The following ACVRL1 variants were observed in gnomAD, a reference collection of about 807,000 sequenced individuals.
ACVRL1 encodes the protein activin receptor type-1-like.
A neutral mutation model predicts 51.9 loss-of-function variants in ACVRL1; 20 were observed. The ratio of observed to expected loss-of-function variants is 0.39; its 90% confidence interval spans 0.27 to 0.56. The LOEUF (loss-of-function observed/expected upper bound fraction) is 0.56, where lower values mean the gene tolerates loss of function less well. ACVRL1 is among the 20% of genes least tolerant of loss of function. ACVRL1 has a pLI of 0.67. For synonymous variants in ACVRL1, 288 were observed against 280.9 expected, an observed-to-expected ratio of 1.03 and a Z score of -0.25; for missense variants, 451 against 670.3, an observed-to-expected ratio of 0.67 and a Z score of 3.61.
chr12:51,919,271 G>C lies in ACVRL1; in HGVS notation c.1377+156G>C, dbSNP rs912113936. On this transcript the variant is annotated intron_variant, in intron 9 of 9. Transcript: ENST00000388922. The stretch of plus-strand genomic sequence containing the variant: ...CTAGGTACTCCCTCTTTCAACCCTG[G>C]CCCATGCTCCCTGCCCCCAGGGCCA... 6.8e-6 allele frequency: 8 copies of C among 1,176,890 alleles called. No individual in the cohort carries two copies. In the African/African-American group the frequency reaches 1.1e-4, roughly 16 times the overall value. The allele number at this position is 1,176,890 out of a possible 1,614,324, so 72.9% of individuals were successfully genotyped here.
chr12:51,912,993 T>C, intron 2 of ACVRL1, 106 bp from the exon 3 acceptor site: 1 of 1,474,908 alleles, frequency 6.8e-7, no homozygotes, highest in Non-Finnish European at 9.2e-7. Flanking sequence ...CTTCAAGGTG[T>C]TTGTCTGAGG....
intron 6 of ACVRL1, 23 bp downstream of exon 6, chr12:51,914,608 C>A (rs376139463): frequency 1.9e-5 from 30 of 1,603,926 alleles, no homozygotes; most frequent in Admixed American, 1.4e-4. Context: ...GCCAGCTGTG[C>A]CAGGCCTGGG....
At chr12:51,907,461 A>C (rs1257126522), upstream of ACVRL1, 1 of 152,272 alleles carries the variant, frequency 6.6e-6, no homozygotes, top group Non-Finnish European at 1.5e-5. The surrounding 1 kb of genome is among the most constrained non-coding windows in gnomAD (Gnocchi z 4.5). Context: ...TGGGCCAGGC[A>C]GGAAGACGCT....
chr12:51,918,279 A>G (rs1162531731), intron 8 of ACVRL1, among the ~76,000 whole-genome samples: 1 of 152,250 alleles, frequency 6.6e-6, no homozygotes, highest in Non-Finnish European at 1.5e-5. Context: ...AGTGCAGCTC[A>G]GAGGTCAAGA....
At chr12:51,908,258 C>G (rs377548292) in intron 1 of ACVRL1, among the ~76,000 whole-genome samples, 34 of 152,214 alleles carry the variant, frequency 2.2e-4, no homozygotes, top group South Asian at 1.7e-3. Flanking sequence ...CAGTCTCCCC[C>G]CAGGCTGGGA....
In ACVRL1 at chr12:51,922,598, C is replaced by T. The variant is rs1941009887; in HGVS notation, c.*1705C>T. The T allele has an allele frequency of 2.6e-5, 4 of 152,544 alleles. No individual in the cohort carries two copies. In the South Asian group the frequency reaches 8.3e-4, roughly 32 times the overall value. 9.4% of individuals were successfully genotyped at this position (152,544 alleles called of 1,614,324 possible). ...TATGCTCACGTATGGAGCAGGTTGT[C>T]CTGGTCCCTGGGTGCAGGGAAGTGG... On this transcript the variant is annotated 3_prime_UTR_variant, in exon 10 of 10. Transcript: ENST00000388922.
rs891233807 is a variant in ACVRL1, at chr12:51,917,215, G to A, written c.1246+982G>A. On this transcript the variant is annotated intron_variant, in intron 8 of 9. Coordinates refer to ENST00000388922, the MANE Select transcript of ACVRL1 (RefSeq NM_000020.3). This position sits in a 1 kb window ranked among gnomAD's most constrained non-coding sequence, Gnocchi z 4.2. Reference sequence around the variant, plus strand: ...TCCGAAACCGGGCAGTCTGCCCCGGGGCCAGTGCTCATCATCACTGTGTGC... The same window carrying A: ...TCCGAAACCGGGCAGTCTGCCCCGGAGCCAGTGCTCATCATCACTGTGTGC... 2.0e-5 allele frequency among the ~76,000 whole-genome samples: 3 copies of A among 152,180 alleles called. No individual in the cohort carries two copies. Among genetic ancestry groups the A allele is most frequent in the Admixed American group, 2.0e-4 (3 of 15,280 alleles).
At chr12:51,911,713 A>G (rs894176849) in intron 1 of ACVRL1, among the ~76,000 whole-genome samples, 1 of 152,180 alleles carries the variant, frequency 6.6e-6, no homozygotes, top group Non-Finnish European at 1.5e-5. Flanking sequence ...TCTTCCCTGT[A>G]TGAGCCTTAC....
Position 51,912,456 on chromosome 12 carries a change from GC to G in ACVRL1, c.-5-13del, listed in dbSNP as rs764143924. On this transcript the variant is annotated splice_polypyrimidine_tract_variant and intron_variant, in intron 1 of 9. Coordinates refer to ENST00000388922, the MANE Select transcript of ACVRL1 (RefSeq NM_000020.3). ...TCATGGCTCTTACTCCACCTCTCTT[GC>G]TCCTCTCTGCAGGGACCATGACCTT... 1 of 1,613,842 alleles carries G rather than the reference GC, an allele frequency of 6.2e-7. No homozygotes were observed. Among genetic ancestry groups the G allele is most frequent in the Non-Finnish European group, 8.5e-7 (1 of 1,179,844 alleles).
intron 8 of ACVRL1, among the ~76,000 whole-genome samples, chr12:51,918,075 A>C (rs919938801): frequency 1.3e-5 from 2 of 152,218 alleles, no homozygotes; most frequent in Admixed American, 1.3e-4. Context: ...CATGGCCCCC[A>C]GCCTCAGGCT....
At chr12:51,908,959 G>A (rs908968816) in intron 1 of ACVRL1, among the ~76,000 whole-genome samples, 32 of 152,066 alleles carry the variant, frequency 2.1e-4, no homozygotes, top group African/African-American at 7.5e-4. Context: ...GCATCACCCC[G>A]CTGTGAAGGG....
rs374020751 is a variant in ACVRL1 at position 51,914,572 on chromosome 12, C to G, written c.759C>G (p.His253Gln). Residue 253 changes from histidine (H) to glutamine (Q), a missense_variant, in exon 6 of 10, where the codon CAC (histidine) becomes CAG (glutamine). Physicochemically the swap from His to Gln is conservative, Grantham distance 24. Transcript: ENST00000388922. The part of the protein sequence containing the change: ...TEIYNTVLLR[H>Q]DNILGFIASD... Reference sequence around the variant, plus strand: ...TCTATAACACAGTGTTGCTCAGACACGACAACATCCTAGGCAAGGGGAGAG... The same window carrying G: ...TCTATAACACAGTGTTGCTCAGACAGGACAACATCCTAGGCAAGGGGAGAG... 1 of 1,613,224 alleles carries G rather than the reference C, an allele frequency of 6.2e-7. No individual in the cohort carries two copies. The highest frequency in any genetic ancestry group is 1.3e-5 in the African/African-American group (1 of 74,976).
Position 51,917,875 on chromosome 12 carries a change from A to G in ACVRL1, c.1247-1110A>G, listed in dbSNP as rs1342323762. ...TGGAGGGGGAAGCTCCATCAGCCCC[A>G]CACGGACTCGCGGCGCATTATAAAC... On this transcript the variant is annotated intron_variant, in intron 8 of 9. Coordinates refer to ENST00000388922, the MANE Select transcript of ACVRL1 (RefSeq NM_000020.3). The surrounding 1 kb of genome is among the most constrained non-coding windows in gnomAD (Gnocchi z 4.2). Among the ~76,000 whole-genome samples, 2 of 152,172 alleles carry G rather than the reference A, an allele frequency of 1.3e-5. No homozygotes were observed. Among genetic ancestry groups the G allele is most frequent in the African/African-American group, 4.8e-5 (2 of 41,452 alleles).
intron 1 of ACVRL1, among the ~76,000 whole-genome samples, chr12:51,910,408 C>G (rs1490542548): frequency 2.6e-5 from 4 of 152,172 alleles, no homozygotes; most frequent in African/African-American, 9.7e-5. Context: ...TTAAAAAATG[C>G]ATGTTTCTTG....
rs2071219 is a variant in ACVRL1, at chr12:51,913,524, A to G, written c.314-35A>G. 700,114 of 1,579,214 alleles carry G rather than the reference A, an allele frequency of 0.44. 158,084 individuals carry two copies. Among genetic ancestry groups the G allele is most frequent in the African/African-American group, 0.56 (41,513 of 74,316 alleles). ...GGCCCGAGGTGGGGGGAGCTGACCTAGTGGAAGCTGAGCCTCAGTGTCCCC... is the reference window on the plus strand; with the variant it reads ...GGCCCGAGGTGGGGGGAGCTGACCTGGTGGAAGCTGAGCCTCAGTGTCCCC... On this transcript the variant is annotated intron_variant, in intron 3 of 9. Transcript: ENST00000388922.
At chr12:51,913,534 G>A (rs1435493112) in intron 3 of ACVRL1, 25 bp from the exon 4 acceptor site, 1 of 1,588,908 alleles carries the variant, frequency 6.3e-7, no homozygotes. Context: ...AGTGGAAGCT[G>A]AGCCTCAGTG....
At chr12:51,909,701 A>G (rs1353679453) in intron 1 of ACVRL1, among the ~76,000 whole-genome samples, 1 of 152,120 alleles carries the variant, frequency 6.6e-6, no homozygotes, top group Non-Finnish European at 1.5e-5. Flanking sequence ...TAAGTTTATT[A>G]AGACACGCTC....
rs948717837 is a variant in ACVRL1, at chr12:51,915,858, G to T, written c.1049-178G>T. ...TGGGAACCTAGAGAGCACTACACAA[G>T]CAAAGAGTACCTGGGGCCATGGTTC... is the stretch of plus-strand genomic sequence containing the variant. On this transcript the variant is annotated intron_variant, in intron 7 of 9. Transcript: ENST00000388922. The T allele has an allele frequency of 1.5e-5, 11 of 713,066 alleles. No homozygotes were observed. In the Admixed American group the frequency reaches 3.2e-4, roughly 21 times the overall value. 44.2% of individuals were successfully genotyped at this position (713,066 alleles called of 1,614,324 possible). A position where few individuals can be genotyped will look rare whatever the true frequency, so the allele number is the denominator to read the frequency against.
Position 51,920,941 on chromosome 12 carries a change from G to A in ACVRL1, c.*48G>A. On this transcript the variant is annotated 3_prime_UTR_variant, in exon 10 of 10. Coordinates refer to ENST00000388922, the MANE Select transcript of ACVRL1 (RefSeq NM_000020.3). The stretch of plus-strand genomic sequence containing the variant: ...CTGCCTGCAGGGGGCTGGGGGGGTG[G>A]GGGGCAGTGGATGGTGCCCTATCTG... 9.6e-6 allele frequency: 6 copies of A among 624,784 alleles called. No individual in the cohort carries two copies. The highest frequency in any genetic ancestry group is 1.2e-5 in the Non-Finnish European group (4 of 338,006). The allele number at this position is 624,784 out of a possible 1,614,324, so 38.7% of individuals were successfully genotyped here.
Sources: allele counts gnomAD v4.1 joint callset (sites outside exome capture counted in the v4.1 genomes callset), GRCh38; gene constraint gnomAD v4.1.1; non-coding constraint Gnocchi (gnomAD v3.1); transcripts MANE v1.5; gene names NCBI Gene and HGNC (gene_info 2026-07-23, HGNC 2026-07-21).